Variants in PRLR observed in about 807,000 individuals in gnomAD.
PRLR encodes the protein hPRL receptor.
A neutral mutation model predicts 40.2 loss-of-function variants in PRLR; 13 were observed. The observed-to-expected ratio is 0.32, with a 90% CI of 0.21 to 0.51. The LOEUF (loss-of-function observed/expected upper bound fraction) is 0.51. PRLR is among the 20% of genes least tolerant of loss of function. PRLR has a pLI of 0.97. For synonymous variants in PRLR, 269 were observed against 278.7 expected (o/e 0.97, Z 0.35); for missense variants, 656 against 747.3 (o/e 0.88, Z 1.42).
At chr5:35,086,083 C>T in intron 4 of PRLR, 125 bp downstream of exon 4, 4 of 1,195,436 alleles carry the variant, frequency 3.3e-6, no homozygotes, top group East Asian at 2.4e-5. Context: ...CTCCCCTTTC[C>T]CCGGTGGTAT....
chr5:35,114,476 T>A (rs1006254365), intron 2 of PRLR, among the ~76,000 whole-genome samples: 1 of 152,202 alleles, frequency 6.6e-6, no homozygotes, highest in Admixed American at 6.6e-5. Context: ...CCATCATCAG[T>A]TGGGGTTACA....
chr5:35,130,643 G>A (rs1773639401), intron 1 of PRLR, among the ~76,000 whole-genome samples: 1 of 152,164 alleles, frequency 6.6e-6, no homozygotes, highest in Non-Finnish European at 1.5e-5. Flanking sequence ...GACAAAAATG[G>A]AAACCTTCTC....
chr5:35,114,682 C>T (rs534237126), intron 2 of PRLR, among the ~76,000 whole-genome samples: 2 of 152,192 alleles, frequency 1.3e-5, no homozygotes, highest in South Asian at 4.2e-4. Context: ...CAGTGGCTCC[C>T]GTATGTGAGT....
chr5:35,079,355 C>G (rs181084009), intron 5 of PRLR, among the ~76,000 whole-genome samples: 25 of 152,298 alleles, frequency 1.6e-4, no homozygotes, highest in African/African-American at 6.0e-4. Context: ...GCAACTTCAG[C>G]AAGTCTCTGG....
intron 1 of PRLR, among the ~76,000 whole-genome samples, chr5:35,138,269 T>C (rs1458472148): frequency 6.6e-6 from 1 of 152,218 alleles, no homozygotes; most frequent in Non-Finnish European, 1.5e-5. Context: ...AAAAGATTTC[T>C]GGAGATGGTT....
chr5:35,171,934 G>T (rs748916378), intron 1 of PRLR, among the ~76,000 whole-genome samples: 5 of 152,154 alleles, frequency 3.3e-5, no homozygotes, highest in Non-Finnish European at 7.4e-5. Context: ...ACTTAAGTGT[G>T]TATTTTGTCA....
chr5:35,131,699 C>T (rs2111778696), intron 1 of PRLR, among the ~76,000 whole-genome samples: 1 of 152,192 alleles, frequency 6.6e-6, no homozygotes, highest in East Asian at 1.9e-4. Flanking sequence ...GAACTCTGAA[C>T]ATATATTTGG....
At chr5:35,070,566 A>G (rs569064431) in intron 6 of PRLR, among the ~76,000 whole-genome samples, 2 of 152,246 alleles carry the variant, frequency 1.3e-5, no homozygotes, top group East Asian at 3.9e-4. Flanking sequence ...AAAATTGGCC[A>G]GGCATGGTGC....
chr5:35,084,787 G>A (rs1380660103), intron 4 of PRLR, 148 bp from the exon 5 acceptor site: 8 of 708,690 alleles, frequency 1.1e-5, no homozygotes, highest in African/African-American at 7.6e-5. Flanking sequence ...AGGCTTCCAT[G>A]TTCTGCCCAT....
At position 35,064,291 on chromosome 5, in the gene PRLR, G is replaced by A. The variant is rs1309019050; in HGVS notation, c.*798C>T. ...GGTTTTCTTTTCAAGTTAGTCTTTA[G>A]GGAATTTTTTTTTAACTAAGGAAAG... On this transcript the variant is annotated 3_prime_UTR_variant, in exon 10 of 10. Transcript: ENST00000618457. 6.6e-6 allele frequency: 1 copy of A among 152,066 alleles called. No individual in the cohort carries two copies. Among genetic ancestry groups the A allele is most frequent in the African/African-American group, 2.4e-5 (1 of 41,406 alleles). The allele number at this position is 152,066 out of a possible 1,614,324, so 9.4% of individuals were successfully genotyped here.
At chr5:35,161,733 G>A (rs953108089) in intron 1 of PRLR, among the ~76,000 whole-genome samples, 5 of 152,212 alleles carry the variant, frequency 3.3e-5, no homozygotes, top group Admixed American at 6.5e-5. Context: ...GTGTTGGCTT[G>A]CATTATCTGG....
intron 5 of PRLR, among the ~76,000 whole-genome samples, chr5:35,080,599 G>A (rs1770444131): frequency 6.6e-6 from 1 of 152,174 alleles, no homozygotes; most frequent in Non-Finnish European, 1.5e-5. Context: ...TGGTGGGACT[G>A]TAAACTAGTT....
At chr5:35,051,564 T>C (rs1768499440), downstream of PRLR, among the ~76,000 whole-genome samples, 1 of 152,206 alleles carries the variant, frequency 6.6e-6, no homozygotes, top group East Asian at 1.9e-4. Flanking sequence ...GGAAGAGCTA[T>C]TCCCAAGCTT....
intron 1 of PRLR, among the ~76,000 whole-genome samples, chr5:35,120,413 C>T (rs912151447): frequency 1.2e-4 from 19 of 152,138 alleles, no homozygotes; most frequent in African/African-American, 4.6e-4. Context: ...TCTGTCTGAC[C>T]CTAAGATGGC....
intron 1 of PRLR, among the ~76,000 whole-genome samples, chr5:35,207,614 T>TTGTGTG (rs142502829): frequency 0.096 from 14,161 of 146,880 alleles, 818 homozygotes; most frequent in Non-Finnish European, 0.13. Context: ...CAATGGGAGA[T>TTGTGTG]TGTGTGTGTG....
intron 1 of PRLR, among the ~76,000 whole-genome samples, chr5:35,205,534 T>C (rs1382297155): frequency 1.9e-5 from 1 of 53,066 alleles, no homozygotes; most frequent in Admixed American, 1.6e-4. Context: ...GCATCCCTTC[T>C]ATATCTGTAT....
rs1768832478 is a variant in PRLR, at chr5:35,058,285, T to C, written c.*6804A>G. On this transcript the variant is annotated 3_prime_UTR_variant, in exon 10 of 10. Coordinates refer to ENST00000618457, the MANE Select transcript of PRLR (RefSeq NM_000949.7). Reference sequence around the variant, plus strand: ...AAATGTGGAACCTTATGCTATTATGTATAACTTCACTTCAATATGGCTTTA... The same window carrying C: ...AAATGTGGAACCTTATGCTATTATGCATAACTTCACTTCAATATGGCTTTA... The C allele has an allele frequency of 6.6e-6, 1 of 152,192 alleles. No homozygotes were observed. Among genetic ancestry groups the C allele is most frequent in the South Asian group, 2.1e-4 (1 of 4,828 alleles). 9.4% of individuals were successfully genotyped at this position (152,192 alleles called of 1,614,324 possible).
intron 1 of PRLR, among the ~76,000 whole-genome samples, chr5:35,134,742 G>A (rs1405751674): frequency 6.6e-6 from 1 of 152,184 alleles, no homozygotes; most frequent in Non-Finnish European, 1.5e-5. Flanking sequence ...AAGGATCAGG[G>A]CTTTATTAAA....
At chr5:35,080,730 GAC>G (rs1770454415) in intron 5 of PRLR, among the ~76,000 whole-genome samples, 1 of 152,032 alleles carries the variant, frequency 6.6e-6, no homozygotes, top group African/African-American at 2.4e-5. Context: ...CTGCCATAAA[GAC>G]ACATGCACAC....
Sources: gnomAD v4.1 joint callset for allele counts (sites outside exome capture counted in the v4.1 genomes callset) on GRCh38, gnomAD v4.1.1 for gene constraint, MANE v1.5 for transcripts, NCBI Gene and HGNC (gene_info 2026-07-23, HGNC 2026-07-21) for gene names.